Variants in TNFRSF1B observed in about 807,000 individuals in gnomAD.
TNFRSF1B encodes TNF receptor superfamily member 1B.
In TNFRSF1B, 19 loss-of-function variants were observed where a neutral mutation model predicts 44.6. That is an observed-to-expected ratio of 0.43 (90% confidence interval 0.30 to 0.62). The LOEUF is 0.62. TNFRSF1B is among the 20% of genes least tolerant of loss of function. The pLI, the probability that TNFRSF1B is intolerant of heterozygous loss-of-function variation, is 0.16. For synonymous variants in TNFRSF1B, 252 were observed against 261.1 expected (o/e 0.97, Z 0.34); for missense variants, 541 against 619.9 (o/e 0.87, Z 1.35).
At chr1:12,198,453 G>A (rs1005308198) in intron 8 of TNFRSF1B, among the ~76,000 whole-genome samples, 1 of 152,060 alleles carries the variant, frequency 6.6e-6, no homozygotes, top group Non-Finnish European at 1.5e-5. Flanking sequence ...CACTCACTAC[G>A]TCACTCACAG....
In TNFRSF1B at chr1:12,183,710, A is replaced by AGC. The variant is rs1557629002; in HGVS notation, c.79-5086_79-5085insGC. On this transcript the variant is annotated intron_variant, in intron 1 of 9. Transcript: ENST00000376259. ...TATCTATCTATCTATCTATCTATCT[A>AGC]TTCTATCTACCTATCTATCTATCTA... 2.0e-3 allele frequency among the ~76,000 whole-genome samples: 197 copies of AGC among 96,374 alleles called. 3 individuals carry two copies. The highest frequency in any genetic ancestry group is 6.3e-3 in the African/African-American group (179 of 28,308). 63.2% of individuals were successfully genotyped at this position (96,374 alleles called of 152,430 possible).
chr1:12,191,500 C>T (rs1228452877), intron 3 of TNFRSF1B, among the ~76,000 whole-genome samples: 1 of 149,422 alleles, frequency 6.7e-6, no homozygotes, highest in Non-Finnish European at 1.5e-5. Context: ...AGCGGGACTT[C>T]GGGGAGGAGC....
rs1638520905 is a variant in TNFRSF1B, at chr1:12,171,396, C to T, written c.78+4227C>T. On this transcript the variant is annotated intron_variant, in intron 1 of 9. Coordinates refer to ENST00000376259, the MANE Select transcript of TNFRSF1B (RefSeq NM_001066.3). The surrounding 1 kb of genome is among the most constrained non-coding windows in gnomAD (Gnocchi z 4.5). Reference sequence around the variant, plus strand: ...CTCCAGGGCCTTTGCACTTGCTTTCCCCATCACCTCCAATACTCCTCCTGC... The same window carrying T: ...CTCCAGGGCCTTTGCACTTGCTTTCTCCATCACCTCCAATACTCCTCCTGC... Among the ~76,000 whole-genome samples, 1 of 152,154 alleles carries T rather than the reference C, an allele frequency of 6.6e-6. No homozygotes were observed.
intron 1 of TNFRSF1B, among the ~76,000 whole-genome samples, chr1:12,183,656 T>TTATCTATCTATCTATCTATCTATCTATTG (rs1570140811): frequency 2.4e-5 from 3 of 125,336 alleles, no homozygotes; most frequent in Non-Finnish European, 5.0e-5. Flanking sequence ...TTTATCTATT[T>TTATCTATCTATCTATCTATCTATCTATTG]TATCTATCTA....
intron 1 of TNFRSF1B, among the ~76,000 whole-genome samples, chr1:12,174,009 G>T (rs959150839): frequency 6.6e-6 from 1 of 152,120 alleles, no homozygotes; most frequent in Non-Finnish European, 1.5e-5. Flanking sequence ...GTGCAGGGGG[G>T]AGTGCGGGGG....
rs1061631 is a variant in TNFRSF1B at position 12,208,442 on chromosome 1, G to A, written c.*1422G>A. ...TGTGTCTGCGTCTGTGTTGCGTGTC[G>A]TGGGTGTGTGTAGCCAAGGTCGGTA... On this transcript the variant is annotated 3_prime_UTR_variant, in exon 10 of 10. Transcript: ENST00000376259. 23,461 of 152,830 alleles carry A rather than the reference G, an allele frequency of 0.15. 2,282 individuals are homozygous for A. The highest frequency in any genetic ancestry group is 0.3 in the Middle Eastern group (87 of 294). The allele number at this position is 152,830 out of a possible 1,614,324, so 9.5% of individuals were successfully genotyped here. A position where few individuals can be genotyped will look rare whatever the true frequency, so the allele number is the denominator to read the frequency against.
chr1:12,191,896 C>T lies in TNFRSF1B; in HGVS notation c.430C>T (p.Arg144Cys), dbSNP rs1453960414. The T allele has an allele frequency of 2.5e-6, 4 of 1,609,726 alleles. No homozygotes were observed. The highest frequency in any genetic ancestry group is 3.4e-6 in the Non-Finnish European group (4 of 1,178,588). ...GCTGTGCGCGCCGCTGCGCAAGTGC[C>T]GCCCGGGCTTCGGCGTGGCCAGACC... is the stretch of plus-strand genomic sequence containing the variant. ...CRLCAPLRKCRPGFGVARPGT... is the reference protein window; with the variant it reads ...CRLCAPLRKCCPGFGVARPGT... Residue 144 changes from arginine to cysteine, a missense_variant, in exon 4 of 10, where the codon CGC becomes TGC. Physicochemically the swap from Arg to Cys is radical, Grantham distance 180 (BLOSUM62 -3). Coordinates refer to ENST00000376259, the MANE Select transcript of TNFRSF1B (RefSeq NM_001066.3).
intron 9 of TNFRSF1B, among the ~76,000 whole-genome samples, chr1:12,202,480 C>T (rs1366450577): frequency 6.6e-6 from 1 of 152,190 alleles, no homozygotes; most frequent in Non-Finnish European, 1.5e-5. Flanking sequence ...CCTCCGGGCT[C>T]ACCATGCCCT....
chr1:12,182,891 C>T (rs1002899833), intron 1 of TNFRSF1B, among the ~76,000 whole-genome samples: 2 of 152,164 alleles, frequency 1.3e-5, no homozygotes, highest in East Asian at 1.9e-4. Context: ...GAGGTTGGGC[C>T]ATTCAGCTTT....
At chr1:12,182,100 T>A (rs1323014410) in intron 1 of TNFRSF1B, among the ~76,000 whole-genome samples, 1 of 152,172 alleles carries the variant, frequency 6.6e-6, no homozygotes, top group African/African-American at 2.4e-5. Flanking sequence ...AGACCCAGTC[T>A]TCCTGGCCAG....
At position 12,171,426 on chromosome 1, in the gene TNFRSF1B, G is replaced by A. The variant is rs1570121227; in HGVS notation, c.78+4257G>A. Among the ~76,000 whole-genome samples the A allele has an allele frequency of 2.6e-5, 4 of 152,126 alleles. No individual in the cohort carries two copies. In the East Asian group the frequency reaches 5.8e-4, roughly 22 times the overall value. ...CACCTCCAATACTCCTCCTGCTGAC[G>A]TCTCTTGGTCTCCTTCCCTCGCTTC... On this transcript the variant is annotated intron_variant, in intron 1 of 9. Coordinates refer to ENST00000376259, the MANE Select transcript of TNFRSF1B (RefSeq NM_001066.3). The surrounding 1 kb of genome is among the most constrained non-coding windows in gnomAD (Gnocchi z 4.5).
In TNFRSF1B at chr1:12,168,956, G is replaced by A. The variant is rs1441122261; in HGVS notation, c.78+1787G>A. Among the ~76,000 whole-genome samples, 3 of 151,604 alleles carry A rather than the reference G, an allele frequency of 2.0e-5. No individual in the cohort carries two copies. Among genetic ancestry groups the A allele is most frequent in the Admixed American group, 6.6e-5 (1 of 15,264 alleles). On this transcript the variant is annotated intron_variant, in intron 1 of 9. Transcript: ENST00000376259. This position sits in a 1 kb window ranked among gnomAD's most constrained non-coding sequence, Gnocchi z 4.7. ...GTAAGGTACCTGAACTCTTCCTCGCGCCTCCCTGCACATGTGCTCCCCCGC... is the reference window on the plus strand; with the variant it reads ...GTAAGGTACCTGAACTCTTCCTCGCACCTCCCTGCACATGTGCTCCCCCGC...
In TNFRSF1B at chr1:12,199,283, G is replaced by A. The variant is rs1639337792; in HGVS notation, c.901-2684G>A. ...TCCAGGCTCAGAGCAGGGCTGGGGG[G>A]CAGTTGTGGGCAGTGACCAGGGTCA... On this transcript the variant is annotated intron_variant, in intron 8 of 9. Transcript: ENST00000376259. This position sits in a 1 kb window ranked among gnomAD's most constrained non-coding sequence, Gnocchi z 4.0. Among the ~76,000 whole-genome samples the A allele has an allele frequency of 6.6e-6, 1 of 152,258 alleles. No individual in the cohort carries two copies. The highest frequency in any genetic ancestry group is 2.1e-4 in the South Asian group (1 of 4,832).
intron 9 of TNFRSF1B, among the ~76,000 whole-genome samples, chr1:12,203,816 G>A (rs1293812842): frequency 3.9e-5 from 6 of 152,068 alleles, no homozygotes; most frequent in African/African-American, 1.2e-4. Flanking sequence ...CGCAGCCTCC[G>A]CCTCCCAGGT....
chr1:12,206,940 A>G lies in TNFRSF1B; in HGVS notation c.1306A>G (p.Thr436Ala), dbSNP rs775871058. 1.2e-6 allele frequency: 2 copies of G among 1,613,908 alleles called. No individual in the cohort carries two copies. The highest frequency in any genetic ancestry group is 2.2e-5 in the South Asian group (2 of 91,076). The change falls in exon 10 of 10, where the codon ACG becomes GCG. Residue 436 changes from threonine to alanine, a missense_variant. Coordinates refer to ENST00000376259, the MANE Select transcript of TNFRSF1B (RefSeq NM_001066.3). ...EECAFRSQLE[T>A]PETLLGSTEE... ...ATGTGCCTTTCGGTCACAGCTGGAG[A>G]CGCCAGAGACCCTGCTGGGGAGCAC...
chr1:12,206,673 G>A lies in TNFRSF1B; in HGVS notation c.1106-67G>A, dbSNP rs561824368. 4.5e-5 allele frequency: 66 copies of A among 1,479,350 alleles called. 1 individual carries two copies. The South Asian group carries it at 7.9e-4, about 18-fold the overall frequency. 91.6% of individuals were successfully genotyped at this position (1,479,350 alleles called of 1,614,324 possible). On this transcript the variant is annotated intron_variant, in intron 9 of 9. Coordinates refer to ENST00000376259, the MANE Select transcript of TNFRSF1B (RefSeq NM_001066.3). ...CCCATGTGTCTGAATCTGCATCTTG[G>A]GCAGGGGTCCCTGGGCCCCACTCCT...
At position 12,208,360 on chromosome 1, in the gene TNFRSF1B, C is replaced by T. The variant is rs970826991; in HGVS notation, c.*1340C>T. ...CTCCCCACCTTCAATTCCTGGGCCC[C>T]AAACGGGCTGCCCTGCCACTTTGGT... On this transcript the variant is annotated 3_prime_UTR_variant, in exon 10 of 10. Coordinates refer to ENST00000376259, the MANE Select transcript of TNFRSF1B (RefSeq NM_001066.3). 2 of 152,848 alleles carry T rather than the reference C, an allele frequency of 1.3e-5. No individual in the cohort carries two copies. The highest frequency in any genetic ancestry group is 2.9e-5 in the Non-Finnish European group (2 of 68,168). 9.5% of individuals were successfully genotyped at this position (152,848 alleles called of 1,614,324 possible).
At chr1:12,183,748 T>TAGCTAGCTAGCTAG (rs1638898012) in intron 1 of TNFRSF1B, among the ~76,000 whole-genome samples, 1 of 116,984 alleles carries the variant, frequency 8.5e-6, no homozygotes, top group Admixed American at 7.9e-5. Context: ...TATCTATCTA[T>TAGCTAGCTAGCTAG]CTAGCTAGCT....
At position 12,192,534 on chromosome 1, in the gene TNFRSF1B, T is replaced by C; in HGVS notation, c.551+10T>C. 1 of 1,613,766 alleles carries C rather than the reference T, an allele frequency of 6.2e-7. No homozygotes were observed. ...GCAGGCCCCACCAGATGTGAGTAGC[T>C]GAGTCCTTTGGTTCTGGAGGAGCAG... On this transcript the variant is annotated intron_variant, in intron 5 of 9. Coordinates refer to ENST00000376259, the MANE Select transcript of TNFRSF1B (RefSeq NM_001066.3).
Sources: gnomAD v4.1 joint callset for allele counts (sites outside exome capture counted in the v4.1 genomes callset) on GRCh38, gnomAD v4.1.1 for gene constraint, Gnocchi (gnomAD v3.1) non-coding constraint, MANE v1.5 for transcripts, NCBI Gene and HGNC (gene_info 2026-07-23, HGNC 2026-07-21) for gene names.